CTNNA2: variants seen among roughly 807,000 people sequenced by gnomAD.
The protein encoded by CTNNA2 is catenin alpha-2.
CTNNA2 carries 42 observed loss-of-function variants against 101.0 expected under a neutral mutation model. The observed-to-expected ratio is 0.42, with a 90% CI of 0.32 to 0.54. The LOEUF (loss-of-function observed/expected upper bound fraction) is 0.54, where lower values mean the gene tolerates loss of function less well. Among genes scored for constraint, CTNNA2 ranks in the 20% least tolerant of loss-of-function variants. The pLI is 0.14. For missense variants in CTNNA2, 871 were observed against 1,223.1 expected (o/e 0.71, Z 4.29); for synonymous variants, 450 against 456.4 (o/e 0.99, Z 0.18).
chr2:79,231,921 T>G (rs1674498290), intron 2 of CTNNA2, among the ~76,000 whole-genome samples: 1 of 152,122 alleles, frequency 6.6e-6, no homozygotes, highest in South Asian at 2.1e-4. Context: ...TCCTAAAACT[T>G]TACCAAATTT....
At chr2:80,429,104 C>T (rs142528059) in intron 9 of CTNNA2, among the ~76,000 whole-genome samples, 110 of 152,024 alleles carry the variant, frequency 7.2e-4, no homozygotes, top group African/African-American at 2.6e-3. Flanking sequence ...GTATATATTC[C>T]AGTACTATTC....
Position 80,130,693 on chromosome 2 carries a change from C to T in CTNNA2, c.1056+220896C>T, listed in dbSNP as rs143026513. 3.4e-3 allele frequency among the ~76,000 whole-genome samples: 519 copies of T among 151,940 alleles called. 2 individuals are homozygous for T. Among genetic ancestry groups the T allele is most frequent in the African/African-American group, 0.011 (468 of 41,452 alleles). On this transcript the variant is annotated intron_variant, in intron 7 of 18. Coordinates refer to ENST00000402739, the MANE Select transcript of CTNNA2 (RefSeq NM_001282597.3). ...GAATAGAGAATACTTTAACTCAAAACAGGTATATAAGTAAACAGCAAATCT... is the reference window on the plus strand; with the variant it reads ...GAATAGAGAATACTTTAACTCAAAATAGGTATATAAGTAAACAGCAAATCT...
chr2:79,214,673 A>G (rs1674223558), intron 2 of CTNNA2, among the ~76,000 whole-genome samples: 1 of 151,802 alleles, frequency 6.6e-6, no homozygotes, highest in Non-Finnish European at 1.5e-5. Context: ...AGGTGGGGGG[A>G]TACGAGAGGA....
intron 7 of CTNNA2, among the ~76,000 whole-genome samples, chr2:80,051,949 C>T (rs1482919719): frequency 1.3e-5 from 2 of 152,072 alleles, no homozygotes; most frequent in Non-Finnish European, 2.9e-5. Context: ...TTGCAGTGCC[C>T]GTTTCCCCTA....
chr2:79,767,335 A>G (rs1673237807), intron 3 of CTNNA2, among the ~76,000 whole-genome samples: 1 of 152,010 alleles, frequency 6.6e-6, no homozygotes, highest in Non-Finnish European at 1.5e-5. Context: ...CTGTTTCTCC[A>G]GGATTGGTCC....
intron 1 of CTNNA2, among the ~76,000 whole-genome samples, chr2:79,594,777 A>C (rs1049437459): frequency 6.6e-6 from 1 of 152,084 alleles, no homozygotes; most frequent in African/African-American, 2.4e-5. Flanking sequence ...CTTGAAGTGA[A>C]ATCTATACTC....
chr2:80,578,490 T>G (rs1055805951), intron 13 of CTNNA2, among the ~76,000 whole-genome samples: 1 of 152,146 alleles, frequency 6.6e-6, no homozygotes, highest in Non-Finnish European at 1.5e-5. Flanking sequence ...AACTAAAAAA[T>G]AGCACTCATA....
rs542415761 is a variant in CTNNA2 at position 79,859,391 on chromosome 2, C to T, written c.465+1212C>T. Among the ~76,000 whole-genome samples the T allele has an allele frequency of 3.3e-5, 5 of 152,250 alleles. No individual in the cohort carries two copies. The South Asian group carries it at 6.2e-4, about 19-fold the overall frequency. Reference sequence around the variant, plus strand: ...AGAAATTACTTAAATCATAACTATTCTCTGTCAAAAAACCTTGGGCAGGAT... The same window carrying T: ...AGAAATTACTTAAATCATAACTATTTTCTGTCAAAAAACCTTGGGCAGGAT... On this transcript the variant is annotated intron_variant, in intron 4 of 18. Transcript: ENST00000402739.
At chr2:79,951,948 T>C (rs1018851857) in intron 7 of CTNNA2, among the ~76,000 whole-genome samples, 1 of 152,176 alleles carries the variant, frequency 6.6e-6, no homozygotes, top group Admixed American at 6.5e-5. Context: ...CAGTTAAGTC[T>C]GTACCATGGC....
chr2:80,008,694 C>T (rs1693554263), intron 7 of CTNNA2, among the ~76,000 whole-genome samples: 1 of 152,154 alleles, frequency 6.6e-6, no homozygotes, highest in Admixed American at 6.5e-5. Context: ...TGTTTTTGAG[C>T]ACGTCACTTA....
At chr2:79,753,733 GA>G (rs780571420) in intron 3 of CTNNA2, among the ~76,000 whole-genome samples, 10 of 152,148 alleles carry the variant, frequency 6.6e-5, no homozygotes, top group Non-Finnish European at 1.2e-4. Context: ...TTCTTCATGG[GA>G]CCATTTCCTA....
At chr2:80,526,613 G>A (rs752778539) in intron 9 of CTNNA2, among the ~76,000 whole-genome samples, 24 of 152,056 alleles carry the variant, frequency 1.6e-4, no homozygotes, top group Admixed American at 1.1e-3. Context: ...GATTACAGAC[G>A]TGAGCCACTG....
chr2:79,781,570 A>C (rs1016640500), intron 3 of CTNNA2, among the ~76,000 whole-genome samples: 1 of 152,206 alleles, frequency 6.6e-6, no homozygotes, highest in East Asian at 1.9e-4. Flanking sequence ...GATGTTGCTA[A>C]TTAATGGTTC....
intron 3 of CTNNA2, among the ~76,000 whole-genome samples, chr2:79,772,561 G>A (rs999019129): frequency 2.0e-5 from 3 of 152,116 alleles, no homozygotes; most frequent in African/African-American, 7.2e-5. Flanking sequence ...TTGCCTTTGA[G>A]CATCATGAGA....
At chr2:80,454,025 G>GAA (rs199995593) in intron 9 of CTNNA2, among the ~76,000 whole-genome samples, 15 of 147,196 alleles carry the variant, frequency 1.0e-4, no homozygotes, top group South Asian at 8.6e-4. Context: ...TTGAGAAAAA[G>GAA]AAAAAAAAAG....
rs570919841 is a variant in CTNNA2, at chr2:79,804,300, C to T, written c.299-53713C>T. ...TGTATATCTTTTAACATATACCAAA[C>T]TGCTAGAAAATAAATCTACCAGATG... is the stretch of plus-strand genomic sequence containing the variant. On this transcript the variant is annotated intron_variant, in intron 3 of 18. Coordinates refer to ENST00000402739, the MANE Select transcript of CTNNA2 (RefSeq NM_001282597.3). Among the ~76,000 whole-genome samples, 4 of 152,198 alleles carry T rather than the reference C, an allele frequency of 2.6e-5. No individual in the cohort carries two copies. In the South Asian group the frequency reaches 8.3e-4, roughly 32 times the overall value.
intron 3 of CTNNA2, among the ~76,000 whole-genome samples, chr2:79,334,212 C>T (rs1319841983): frequency 1.3e-5 from 2 of 152,104 alleles, no homozygotes; most frequent in African/African-American, 4.8e-5. Context: ...TTGTATCTGC[C>T]ATTCAACCTT....
At chr2:80,000,603 G>C (rs923641391) in intron 7 of CTNNA2, among the ~76,000 whole-genome samples, 5 of 152,108 alleles carry the variant, frequency 3.3e-5, no homozygotes, top group African/African-American at 1.2e-4. Flanking sequence ...ATCAATCATT[G>C]ATATTATACT....
At position 79,576,142 on chromosome 2, in the gene CTNNA2, G is replaced by C. The variant is rs916250503; in HGVS notation, c.-6+62935G>C. Among the ~76,000 whole-genome samples the C allele has an allele frequency of 1.2e-4, 19 of 152,076 alleles. 1 individual carries two copies. The highest frequency in any genetic ancestry group is 8.3e-4 in the South Asian group (4 of 4,826). Reference sequence around the variant, plus strand: ...AAAGATGAAGTTTGTCACCATTCAGGCTCCAAAAACATTTCTAAATGATAT... The same window carrying C: ...AAAGATGAAGTTTGTCACCATTCAGCCTCCAAAAACATTTCTAAATGATAT... On this transcript the variant is annotated intron_variant, in intron 1 of 18. Transcript: ENST00000402739.
Sources: gnomAD v4.1 joint callset for allele counts (sites outside exome capture counted in the v4.1 genomes callset) on GRCh38, gnomAD v4.1.1 for gene constraint, MANE v1.5 for transcripts, NCBI Gene and HGNC (gene_info 2026-07-23, HGNC 2026-07-21) for gene names.